The following CAMKK2 variants were observed in gnomAD, a reference collection of about 807,000 sequenced individuals.
The protein encoded by CAMKK2 is calcium/calmodulin dependent protein kinase kinase 2, also known as calcium/calmodulin-dependent protein kinase kinase 2.
CAMKK2 carries 30 observed loss-of-function variants against 67.2 expected under a neutral mutation model. The observed-to-expected ratio is 0.45, with a 90% CI of 0.33 to 0.61. The LOEUF (loss-of-function observed/expected upper bound fraction) is 0.61, where lower values mean the gene tolerates loss of function less well. Ranked by LOEUF, CAMKK2 falls within the 20% of genes least tolerant of loss-of-function variation. The pLI is 0.02. For synonymous variants in CAMKK2, 322 were observed against 326.2 expected, an observed-to-expected ratio of 0.99 and a Z score of 0.14; for missense variants, 643 against 802.0, an observed-to-expected ratio of 0.80 and a Z score of 2.39.
intron 7 of CAMKK2, among the ~76,000 whole-genome samples, chr12:121,257,249 CT>C (rs199805251): frequency 0.01 from 1,464 of 143,824 alleles, 18 homozygotes; most frequent in African/African-American, 0.03. Context: ...ATTAAAAAAA[CT>C]TTTTTTTTTT....
intron 16 of CAMKK2, chr12:121,243,756 T>A: frequency 1.6e-6 from 1 of 627,540 alleles, no homozygotes; most frequent in Non-Finnish European, 2.1e-6. Context: ...TGCAGAAGTC[T>A]GTATTAGAAA....
At chr12:121,260,394 C>T (rs199751026) in intron 6 of CAMKK2, 39 bp from the exon 7 acceptor site, 11 of 1,596,652 alleles carry the variant, frequency 6.9e-6, no homozygotes, top group East Asian at 4.5e-5. Context: ...AGACGGATGG[C>T]GGGGGAGAAA....
At chr12:121,244,509 G>T in intron 16 of CAMKK2, 64 bp downstream of exon 16, 3 of 1,479,410 alleles carry the variant, frequency 2.0e-6, no homozygotes, top group Non-Finnish European at 2.8e-6. Flanking sequence ...CCCGTGCTCT[G>T]CAGCTGCCCA....
At chr12:121,295,100 G>A (rs959985057) in intron 1 of CAMKK2, among the ~76,000 whole-genome samples, 7 of 152,168 alleles carry the variant, frequency 4.6e-5, no homozygotes, top group African/African-American at 1.4e-4. Context: ...AACCCGGGAG[G>A]CGGAGGTTGC....
In CAMKK2 at chr12:121,240,377, G is replaced by C. The variant is rs1030252481; in HGVS notation, c.*322C>G. 2.1e-6 allele frequency: 3 copies of C among 1,438,020 alleles called. No individual in the cohort carries two copies. The African/African-American group carries it at 4.3e-5, about 21-fold the overall frequency. 89.1% of individuals were successfully genotyped at this position (1,438,020 alleles called of 1,614,324 possible). On this transcript the variant is annotated 3_prime_UTR_variant, in exon 17 of 17. Coordinates refer to ENST00000404169, the MANE Select transcript of CAMKK2 (RefSeq NM_001270485.2). This position sits in a 1 kb window ranked among gnomAD's most constrained non-coding sequence, Gnocchi z 4.4. ...ACAGTCACTTGGTATATCTGACGTG[G>C]TTCTGAAAATCACAATGAAGGATTT...
At chr12:121,280,929 C>A (rs1897662262) in intron 1 of CAMKK2, among the ~76,000 whole-genome samples, 1 of 152,234 alleles carries the variant, frequency 6.6e-6, no homozygotes, top group African/African-American at 2.4e-5. Context: ...CCTGCCTCCA[C>A]TTGCCTTGTG....
chr12:121,297,766 T>C (rs779044625), upstream of CAMKK2: 2 of 491,274 alleles, frequency 4.1e-6, no homozygotes, highest in Non-Finnish European at 8.1e-6. Context: ...ACTGGGTGGA[T>C]TTCCAGCCCG....
chr12:121,297,604 A>G (rs7965129), upstream of CAMKK2: 27,768 of 516,436 alleles, frequency 0.054, 1,370 homozygotes, highest in South Asian at 0.15. Flanking sequence ...GGGGAAGAGG[A>G]GAAACGAAGA....
At chr12:121,244,103 G>C in intron 16 of CAMKK2, 2 of 1,612,088 alleles carry the variant, frequency 1.2e-6, no homozygotes, top group Non-Finnish European at 1.7e-6. Context: ...CTTTGCAACA[G>C]GCAGGAAGGG....
chr12:121,266,812 T>C lies in CAMKK2; in HGVS notation c.625+1826A>G, dbSNP rs565359284. ...TGGCTGTTTGTTCTTATCTAATTTC[T>C]CTTTTTGGCCCAAGCTGACATTTTG... On this transcript the variant is annotated intron_variant, in intron 5 of 16. Transcript: ENST00000404169. Among the ~76,000 whole-genome samples the C allele has an allele frequency of 3.9e-5, 6 of 151,912 alleles. No homozygotes were observed. The South Asian group carries it at 1.0e-3, about 26-fold the overall frequency.
At chr12:121,254,859 T>C (rs1453532084) in intron 9 of CAMKK2, among the ~76,000 whole-genome samples, 1 of 152,118 alleles carries the variant, frequency 6.6e-6, no homozygotes, top group East Asian at 1.9e-4. Flanking sequence ...GTCAACTTGA[T>C]TGGACTGAAG....
Position 121,296,080 on chromosome 12 carries a change from T to A in CAMKK2, c.-60+558A>T, listed in dbSNP as rs770475588. 7.2e-4 allele frequency among the ~76,000 whole-genome samples: 109 copies of A among 151,650 alleles called. No homozygotes were observed. Among genetic ancestry groups the A allele is most frequent in the Non-Finnish European group, 5.0e-4 (34 of 67,854 alleles). On this transcript the variant is annotated intron_variant, in intron 1 of 16. Coordinates refer to ENST00000404169, the MANE Select transcript of CAMKK2 (RefSeq NM_001270485.2). This position sits in a 1 kb window ranked among gnomAD's most constrained non-coding sequence, Gnocchi z 7.1. ...GCTGAGAGAAGAGGTGCGGTGGGGG[T>A]GGTCAAAGGGCAGACCGAAGACAGC...
rs1019617552 is a variant in CAMKK2 at position 121,238,459 on chromosome 12, A to G, written c.*2240T>C. The G allele has an allele frequency of 4.6e-5, 7 of 152,652 alleles. No individual in the cohort carries two copies. The highest frequency in any genetic ancestry group is 2.9e-5 in the Non-Finnish European group (2 of 68,048). The allele number at this position is 152,652 out of a possible 1,614,324, so 9.5% of individuals were successfully genotyped here. A position where few individuals can be genotyped will look rare whatever the true frequency, so the allele number is the denominator to read the frequency against. The stretch of plus-strand genomic sequence containing the variant: ...GCTTTTGAAAAATCAATGTGCTCCA[A>G]GAGTGGCAGCTCAAATGCTCTGTGT... On this transcript the variant is annotated 3_prime_UTR_variant, in exon 17 of 17. Transcript: ENST00000404169.
At chr12:121,280,268 A>G (rs1897522362) in intron 1 of CAMKK2, among the ~76,000 whole-genome samples, 1 of 152,242 alleles carries the variant, frequency 6.6e-6, no homozygotes, top group Non-Finnish European at 1.5e-5. Flanking sequence ...ATCTCTAAAC[A>G]TAAATTGTAA....
At chr12:121,291,149 T>C (rs796678397) in intron 1 of CAMKK2, among the ~76,000 whole-genome samples, 6 of 152,316 alleles carry the variant, frequency 3.9e-5, no homozygotes, top group African/African-American at 1.4e-4. Context: ...GAGCCACGAT[T>C]CTTGCAAGGG....
chr12:121,260,218 T>G, intron 7 of CAMKK2, 101 bp downstream of exon 7: 1 of 980,506 alleles, frequency 1.0e-6, no homozygotes, highest in Non-Finnish European at 1.5e-6. Context: ...AAAGCTGTCT[T>G]TGGTGGAAGG....
At chr12:121,280,086 G>A (rs1048349777) in intron 1 of CAMKK2, among the ~76,000 whole-genome samples, 2 of 152,240 alleles carry the variant, frequency 1.3e-5, no homozygotes, top group African/African-American at 4.8e-5. Flanking sequence ...TCCTGCCCGG[G>A]ACATCAATGT....
rs1333347378 is a variant in CAMKK2, at chr12:121,249,885, A to C, written c.1236-11T>G. On this transcript the variant is annotated splice_polypyrimidine_tract_variant and intron_variant, in intron 12 of 16. Coordinates refer to ENST00000404169, the MANE Select transcript of CAMKK2 (RefSeq NM_001270485.2). ...TCAGCTATGTCGGGCCTGGGGATGG[A>C]GAGGCGTCAGGGTGGCAGACACGGG... The C allele has an allele frequency of 3.7e-6, 6 of 1,613,584 alleles. No homozygotes were observed. Among genetic ancestry groups the C allele is most frequent in the Non-Finnish European group, 5.1e-6 (6 of 1,179,612 alleles).
intron 6 of CAMKK2, among the ~76,000 whole-genome samples, chr12:121,261,149 C>T (rs1188009667): frequency 6.6e-6 from 1 of 152,076 alleles, no homozygotes; most frequent in Non-Finnish European, 1.5e-5. Flanking sequence ...AGGCTACATC[C>T]ACCTTGATTT....
Sources: allele counts gnomAD v4.1 joint callset (sites outside exome capture counted in the v4.1 genomes callset), GRCh38; gene constraint gnomAD v4.1.1; non-coding constraint Gnocchi (gnomAD v3.1); transcripts MANE v1.5; gene names NCBI Gene and HGNC (gene_info 2026-07-23, HGNC 2026-07-21).